NOTCH3: variants seen among roughly 807,000 people sequenced by gnomAD.
NOTCH3 encodes the protein neurogenic locus notch homolog protein 3.
A neutral mutation model predicts 213.3 loss-of-function variants in NOTCH3; 86 were observed. The observed-to-expected ratio is 0.40, with a 90% CI of 0.34 to 0.48. The LOEUF (loss-of-function observed/expected upper bound fraction) is 0.48, where lower values mean the gene tolerates loss of function less well. Among genes scored for constraint, NOTCH3 ranks in the 20% least tolerant of loss-of-function variants. The pLI, the probability that NOTCH3 is intolerant of heterozygous loss-of-function variation, is 0.57. For missense variants in NOTCH3, 2,783 were observed against 3,272.6 expected, an observed-to-expected ratio of 0.85 and a Z score of 3.65; for synonymous variants, 1,354 against 1,355.9, an observed-to-expected ratio of 1.00 and a Z score of 0.03.
chr19:15,162,607 G>C, intron 31 of NOTCH3, 45 bp from the exon 32 acceptor site: 1 of 1,528,258 alleles, frequency 6.5e-7, no homozygotes, highest in East Asian at 2.3e-5. Flanking sequence ...CACCTGTCCT[G>C]GGGCCCCCAT....
At chr19:15,169,186 GTCTCTCTCTC>G (rs56916343) in intron 28 of NOTCH3, among the ~76,000 whole-genome samples, 10,346 of 146,572 alleles carry the variant, frequency 0.071, 1,035 homozygotes, top group African/African-American at 0.23. Context: ...TGTCAAATCT[GTCTCTCTCTC>G]TCTCTCTCTC....
At position 15,179,297 on chromosome 19, in the gene NOTCH3, G is replaced by A. The variant is rs564737009; in HGVS notation, c.3461-15C>T. The A allele has an allele frequency of 6.3e-5, 102 of 1,611,168 alleles. No homozygotes were observed. Among genetic ancestry groups the A allele is most frequent in the South Asian group, 5.9e-4 (54 of 91,014 alleles). On this transcript the variant is annotated splice_polypyrimidine_tract_variant and intron_variant, in intron 21 of 32. Transcript: ENST00000263388. ...GCAGAGCACCCCTGGGGGAAGAAAC[G>A]AGGGGTGGTCAAGAGGGAATGAAGA...
Position 15,185,723 on chromosome 19 carries a change from G to C in NOTCH3, c.1952-44C>G. 1 of 1,600,336 alleles carries C rather than the reference G, an allele frequency of 6.2e-7. No homozygotes were observed. On this transcript the variant is annotated intron_variant, in intron 12 of 32. Transcript: ENST00000263388. This position sits in a 1 kb window ranked among gnomAD's most constrained non-coding sequence, Gnocchi z 4.2. ...ATCTCATCTCAGAACAAAGTCAGCA[G>C]GGACAACCAGGGAGGGACGACGTGA...
In NOTCH3 at chr19:15,187,216, T is replaced by C. The variant is rs368181126; in HGVS notation, c.1729A>G (p.Thr577Ala). The C allele has an allele frequency of 2.7e-5, 43 of 1,613,988 alleles. No individual in the cohort carries two copies. The Middle Eastern group carries it at 9.9e-4, about 37-fold the overall frequency. The change falls in exon 11 of 33, where the codon ACA becomes GCA. Residue 577 changes from threonine (T) to alanine (A), a missense_variant. This residue lies in a region of NOTCH3 where 708 missense variants were observed against 906.6 expected (regional missense o/e 0.78). Coordinates refer to ENST00000263388, the MANE Select transcript of NOTCH3 (RefSeq NM_000435.3). ...TCGTCCACCTGGCTCTCGCAGCGTG[T>C]GCCCGTGTAGCCAGGAGCACAGGCA... ...SCACAPGYTG[T>A]RCESQVDECR...
Position 15,197,563 on chromosome 19 carries a change from T to A in NOTCH3, c.134A>T (p.Asp45Val), listed in dbSNP as rs2145451312. 2 of 1,611,222 alleles carry A rather than the reference T, an allele frequency of 1.2e-6. No individual in the cohort carries two copies. The highest frequency in any genetic ancestry group is 1.7e-6 in the Non-Finnish European group (2 of 1,179,666). The stretch of plus-strand genomic sequence containing the variant: ...ACCTCCATTTGCACACGGGCTTCCG[T>A]CCAGGCAAGGGGGGGCTGTGTGGGG... ...GPGAAAPPCL[D>V]GSPCANGGRC... The change falls in exon 2 of 33, where the codon GAC becomes GTC. Residue 45 changes from aspartate (D) to valine (V), a missense_variant. Transcript: ENST00000263388.
intron 20 of NOTCH3, 37 bp from the exon 21 acceptor site, chr19:15,179,533 T>C (rs777177454): frequency 2.5e-6 from 4 of 1,611,512 alleles, no homozygotes; most frequent in Non-Finnish European, 3.4e-6. Context: ...CTCAGCTTAG[T>C]GGGACACAGA....
intron 31 of NOTCH3, among the ~76,000 whole-genome samples, chr19:15,164,230 GTTTTT>G (rs1186987741): frequency 3.7e-3 from 11 of 2,978 alleles, no homozygotes; most frequent in Non-Finnish European, 9.0e-4. Flanking sequence ...GCAGTTTTTT[GTTTTT>G]TGTTTTTTGT....
At chr19:15,176,931 G>A (rs1251463649) in intron 24 of NOTCH3, among the ~76,000 whole-genome samples, 1 of 150,942 alleles carries the variant, frequency 6.6e-6, no homozygotes, top group Non-Finnish European at 1.5e-5. Context: ...AAAAAGCCAG[G>A]CGTGGTGGCA....
chr19:15,167,345 C>A lies in NOTCH3; in HGVS notation c.5266G>T (p.Val1756Phe). The A allele has an allele frequency of 6.2e-7, 1 of 1,612,732 alleles. No individual in the cohort carries two copies. The change falls in exon 29 of 33, where the codon GTT becomes TTT. Residue 1756 changes from valine to phenylalanine, a missense_variant. Val to Phe is a conservative substitution (Grantham distance 50). This residue lies in a region of NOTCH3 where 636 missense variants were observed against 801.8 expected (regional missense o/e 0.79). Transcript: ENST00000263388. ...GGTGCCACGCGGATGTCAGCAGCAA[C>A]CAGATGGTGTTGAGTCCACTGACGG... ...DCRQWTQHHL[V>F]AADIRVAPAM... is the part of the protein sequence containing the mutation.
chr19:15,177,494 A>T (rs774151841), intron 24 of NOTCH3, 31 bp downstream of exon 24: 42 of 1,590,348 alleles, frequency 2.6e-5, no homozygotes, highest in Non-Finnish European at 3.3e-5. Context: ...GGATGCATAG[A>T]CAGACGGATC....
rs375858760 is a variant in NOTCH3 at position 15,198,021 on chromosome 19, A to T, written c.119-443T>A. Reference sequence around the variant, plus strand: ...AGGGCCACGGGTCTTCCTTTCCCTGATGGGCATCTACTCCAGCCAGGCAGG... The same window carrying T: ...AGGGCCACGGGTCTTCCTTTCCCTGTTGGGCATCTACTCCAGCCAGGCAGG... On this transcript the variant is annotated intron_variant, in intron 1 of 32. Coordinates refer to ENST00000263388, the MANE Select transcript of NOTCH3 (RefSeq NM_000435.3). 7.9e-5 allele frequency among the ~76,000 whole-genome samples: 12 copies of T among 152,248 alleles called. No homozygotes were observed. The South Asian group carries it at 2.5e-3, about 32-fold the overall frequency.
intron 10 of NOTCH3, 44 bp from the exon 11 acceptor site, chr19:15,187,382 C>G (rs759806613): frequency 1.3e-6 from 2 of 1,570,396 alleles, no homozygotes; most frequent in Admixed American, 3.4e-5. Context: ...TGCCAGGGGC[C>G]TGCCCACAAG....
rs768965053 is a variant in NOTCH3 at position 15,192,398 on chromosome 19, G to T, written c.319C>A (p.Arg107=). ...TCACCTCGGAAGCCACGGGGGCACC[G>T]GCATGAGAATCGGGCGGTGCCAGCC... ...VVAGTARFSC[R]CPRGFRGPDC... The change falls in exon 3 of 33, where the codon CGG becomes AGG. Residue 107 remains arginine, a synonymous_variant. Transcript: ENST00000263388. 1 of 1,612,906 alleles carries T rather than the reference G, an allele frequency of 6.2e-7. No individual in the cohort carries two copies. The highest frequency in any genetic ancestry group is 1.1e-5 in the South Asian group (1 of 91,072).
At position 15,170,127 on chromosome 19, in the gene NOTCH3, C is replaced by G. The variant is rs1331776342; in HGVS notation, c.5158G>C (p.Asp1720His). 1 of 1,604,468 alleles carries G rather than the reference C, an allele frequency of 6.2e-7. No individual in the cohort carries two copies. Among genetic ancestry groups the G allele is most frequent in the Non-Finnish European group, 8.5e-7 (1 of 1,175,494 alleles). ...TCTGGGCACTCTGTGTCCATCCAGT[C>G]TGTGGCCACCTCCCCCATCAGGCTC... ...GESLMGEVAT[D>H]WMDTECPEAK... The change falls in exon 28 of 33, where the codon GAC (aspartate) becomes CAC (histidine). Residue 1720 changes from aspartate to histidine, a missense_variant. Asp to His is a moderately conservative substitution (Grantham distance 81, BLOSUM62 -1). Around this residue, in one of 6 missense-constraint regions of NOTCH3, gnomAD observed 636 missense variants for 801.8 expected, o/e 0.79. Coordinates refer to ENST00000263388, the MANE Select transcript of NOTCH3 (RefSeq NM_000435.3).
rs1229781228 is a variant in NOTCH3 at position 15,186,930 on chromosome 19, G to A, written c.1899C>T (p.Val633=). 6.2e-7 allele frequency: 1 copy of A among 1,614,128 alleles called. No homozygotes were observed. Among genetic ancestry groups the A allele is most frequent in the Non-Finnish European group, 8.5e-7 (1 of 1,180,056 alleles). The change falls in exon 12 of 33, where the codon GTC becomes GTT. Residue 633 remains valine, a synonymous_variant. Coordinates refer to ENST00000263388, the MANE Select transcript of NOTCH3 (RefSeq NM_000435.3). ...CGTAGCGGTTGATGCCATCACGGCA[G>A]ACTCCAAAGGTGCAGGGGTTGCTGG... ...DCASNPCTFG[V]CRDGINRYDC... is the part of the protein sequence containing the mutation.
In NOTCH3 at chr19:15,192,165, G is replaced by C. The variant is rs779195429; in HGVS notation, c.474C>G (p.Asp158Glu). The change falls in exon 4 of 33, where the codon GAC (aspartate) becomes GAG (glutamate). Residue 158 changes from aspartate (D) to glutamate (E), a missense_variant. Coordinates refer to ENST00000263388, the MANE Select transcript of NOTCH3 (RefSeq NM_000435.3). Reference protein sequence around the residue: ...PGYQGRSCRSDVDECRVGEPC... With the variant: ...PGYQGRSCRSEVDECRVGEPC... The stretch of plus-strand genomic sequence containing the variant: ...GCTCACCCACCCGGCACTCATCCAC[G>C]TCGCTTCGGCAGCTGCGGCCCTGGT... 4 of 1,612,614 alleles carry C rather than the reference G, an allele frequency of 2.5e-6. No individual in the cohort carries two copies. The African/African-American group carries it at 5.3e-5, about 22-fold the overall frequency.
chr19:15,193,662 T>C (rs2046946809), intron 2 of NOTCH3, among the ~76,000 whole-genome samples: 1 of 150,970 alleles, frequency 6.6e-6, no homozygotes, highest in Admixed American at 6.6e-5. Context: ...TCCCAGCTAC[T>C]CTGGAGGCTG....
Position 15,185,751 on chromosome 19 carries a change from C to T in NOTCH3, c.1952-72G>A. The T allele has an allele frequency of 6.9e-7, 1 of 1,443,814 alleles. No homozygotes were observed. Among genetic ancestry groups the T allele is most frequent in the Non-Finnish European group, 9.6e-7 (1 of 1,036,720 alleles). The allele number at this position is 1,443,814 out of a possible 1,614,324, so 89.4% of individuals were successfully genotyped here. A position where few individuals can be genotyped will look rare whatever the true frequency, so the allele number is the denominator to read the frequency against. ...ACAACCAGGGAGGGACGACGTGACC[C>T]CACTTAGCACACCCACACCCCCGAG... On this transcript the variant is annotated intron_variant, in intron 12 of 32. Transcript: ENST00000263388. This position sits in a 1 kb window ranked among gnomAD's most constrained non-coding sequence, Gnocchi z 4.2.
Position 15,163,505 on chromosome 19 carries a change from A to G in NOTCH3, c.5816-943T>C, listed in dbSNP as rs371933908. 3.3e-5 allele frequency among the ~76,000 whole-genome samples: 5 copies of G among 152,330 alleles called. No individual in the cohort carries two copies. In the East Asian group the frequency reaches 9.6e-4, roughly 29 times the overall value. ...ACCAAAACCACAAATAACAATAACAACTACAAAACAGATAAATTGGACATG... is the reference window on the plus strand; with the variant it reads ...ACCAAAACCACAAATAACAATAACAGCTACAAAACAGATAAATTGGACATG... On this transcript the variant is annotated intron_variant, in intron 31 of 32. Transcript: ENST00000263388.
Sources: allele counts gnomAD v4.1 joint callset (sites outside exome capture counted in the v4.1 genomes callset), GRCh38; gene constraint gnomAD v4.1.1; regional missense constraint gnomAD v4.1.1; non-coding constraint Gnocchi (gnomAD v3.1); transcripts MANE v1.5; gene names NCBI Gene and HGNC (gene_info 2026-07-23, HGNC 2026-07-21).